Variants in CACNA1D observed in about 807,000 individuals in gnomAD.
The protein encoded by CACNA1D is calcium voltage-gated channel subunit alpha1 D.
In CACNA1D, 55 loss-of-function variants were observed where a neutral mutation model predicts 257.1. That is an observed-to-expected ratio of 0.21 (90% confidence interval 0.17 to 0.27). CACNA1D has a LOEUF of 0.27. CACNA1D is among the 10% of genes least tolerant of loss of function. CACNA1D has a pLI of 1.00. For missense variants in CACNA1D, 1,876 were observed against 2,784.0 expected (o/e 0.67, Z 7.34); for synonymous variants, 980 against 1,014.9 (o/e 0.97, Z 0.65).
intron 2 of CACNA1D, 94 bp downstream of exon 2, chr3:53,497,555 A>G: frequency 7.8e-7 from 1 of 1,278,776 alleles, no homozygotes; most frequent in South Asian, 1.2e-5. Context: ...AAGCTGTAGC[A>G]GTCTGGAATG....
chr3:53,800,423 C>T lies in CACNA1D; in HGVS notation c.5040+58C>T, dbSNP rs1350806067. On this transcript the variant is annotated intron_variant, in intron 41 of 47. Coordinates refer to ENST00000350061, the MANE Select transcript of CACNA1D (RefSeq NM_001128840.3). The surrounding 1 kb of genome is among the most constrained non-coding windows in gnomAD (Gnocchi z 4.3). ...ATCTGGAAATAGCAGGGCAGGACTC[C>T]AGTTTGGGCAGTTAATCATCCACAG... 2 of 1,115,548 alleles carry T rather than the reference C, an allele frequency of 1.8e-6. No homozygotes were observed. The highest frequency in any genetic ancestry group is 2.0e-4 in the Middle Eastern group (1 of 5,084). 69.1% of individuals were successfully genotyped at this position (1,115,548 alleles called of 1,614,324 possible). A position where few individuals can be genotyped will look rare whatever the true frequency, so the allele number is the denominator to read the frequency against.
At chr3:53,756,818 G>T (rs909896992) in intron 29 of CACNA1D, among the ~76,000 whole-genome samples, 3 of 152,158 alleles carry the variant, frequency 2.0e-5, no homozygotes, top group Non-Finnish European at 4.4e-5. Context: ...GGTCTGTCTG[G>T]GATTCTCTTT....
At chr3:53,738,405 G>T (rs915211972) in intron 20 of CACNA1D, among the ~76,000 whole-genome samples, 1 of 152,128 alleles carries the variant, frequency 6.6e-6, no homozygotes, top group Non-Finnish European at 1.5e-5. Flanking sequence ...CACAGATTAG[G>T]GTTTTTGTTA....
At chr3:53,588,284 A>T (rs1033275693) in intron 3 of CACNA1D, among the ~76,000 whole-genome samples, 6 of 152,092 alleles carry the variant, frequency 3.9e-5, no homozygotes, top group Admixed American at 2.6e-4. Flanking sequence ...GCTCTTTTTC[A>T]CTGACTCACT....
intron 3 of CACNA1D, among the ~76,000 whole-genome samples, chr3:53,563,610 G>A (rs2092780852): frequency 1.3e-5 from 2 of 150,538 alleles, no homozygotes; most frequent in Admixed American, 1.3e-4. Flanking sequence ...TAATTCCTCA[G>A]CAACACTTTA....
At chr3:53,567,855 A>G (rs1015130558) in intron 3 of CACNA1D, among the ~76,000 whole-genome samples, 1 of 152,212 alleles carries the variant, frequency 6.6e-6, no homozygotes, top group African/African-American at 2.4e-5. Flanking sequence ...GCAAGGGTCA[A>G]GGCTTTTGCC....
At chr3:53,733,553 C>T (rs2095021277) in intron 19 of CACNA1D, among the ~76,000 whole-genome samples, 1 of 152,080 alleles carries the variant, frequency 6.6e-6, no homozygotes, top group African/African-American at 2.4e-5. Flanking sequence ...AATAGCATTT[C>T]TCATGTTAAA....
intron 3 of CACNA1D, among the ~76,000 whole-genome samples, chr3:53,558,613 A>G (rs904342618): frequency 1.3e-5 from 2 of 152,270 alleles, no homozygotes; most frequent in Non-Finnish European, 2.9e-5. Flanking sequence ...CCTGCATTTC[A>G]AAAGGATGCT....
chr3:53,678,228 C>T (rs1002837735), intron 8 of CACNA1D, among the ~76,000 whole-genome samples: 1 of 152,190 alleles, frequency 6.6e-6, no homozygotes, highest in African/African-American at 2.4e-5. Context: ...AGATCAAAAT[C>T]ATTTATAATT....
At chr3:53,659,455 G>A (rs1248055525) in intron 4 of CACNA1D, among the ~76,000 whole-genome samples, 2 of 152,176 alleles carry the variant, frequency 1.3e-5, no homozygotes, top group African/African-American at 4.8e-5. Flanking sequence ...ATTAAGATGT[G>A]AGACTTTGAA....
chr3:53,782,226 T>C (rs1229705714), intron 39 of CACNA1D: 1 of 145,218 alleles, frequency 6.9e-6, no homozygotes, highest in Non-Finnish European at 1.5e-5. Context: ...CATCTATATA[T>C]ATACACACAT....
At position 53,753,576 on chromosome 3, in the gene CACNA1D, A is replaced by G. The variant is rs1457707979; in HGVS notation, c.3680A>G (p.Tyr1227Cys). Residue 1227 changes from tyrosine (Y) to cysteine (C), a missense_variant, in exon 29 of 48, where the codon TAC becomes TGC. Tyr to Cys is a radical substitution (Grantham distance 194, BLOSUM62 -2). Coordinates refer to ENST00000350061, the MANE Select transcript of CACNA1D (RefSeq NM_001128840.3). ...TCCCTCTGTCTTCATCCATAGCACT[A>G]CGAGCAGTCCAAGATGTTCAATGAT... ...LNTLCLAMQH[Y>C]EQSKMFNDAM... 6.3e-7 allele frequency: 1 copy of G among 1,599,766 alleles called. No homozygotes were observed.
intron 30 of CACNA1D, among the ~76,000 whole-genome samples, chr3:53,768,308 C>T (rs1266980032): frequency 1.3e-5 from 2 of 152,158 alleles, no homozygotes; most frequent in African/African-American, 4.8e-5. Context: ...CCGTCTCTCT[C>T]GTGCACACTG....
chr3:53,577,922 C>T (rs1173555315), intron 3 of CACNA1D, among the ~76,000 whole-genome samples: 1 of 151,922 alleles, frequency 6.6e-6, no homozygotes, highest in Admixed American at 6.6e-5. Flanking sequence ...AATTCTATGT[C>T]CTCTCAACCT....
chr3:53,807,390 G>A (rs2095572180), intron 45 of CACNA1D: 1 of 152,308 alleles, frequency 6.6e-6, no homozygotes, highest in Non-Finnish European at 1.5e-5. Flanking sequence ...GACCAGGACT[G>A]GCTGTCTCGT....
intron 3 of CACNA1D, among the ~76,000 whole-genome samples, chr3:53,577,949 G>T (rs1047667209): frequency 6.6e-6 from 1 of 151,956 alleles, no homozygotes; most frequent in African/African-American, 2.4e-5. Flanking sequence ...GTTTTGGAAA[G>T]ATTTATTTTA....
chr3:53,514,888 T>G (rs914590330), intron 3 of CACNA1D, among the ~76,000 whole-genome samples: 14 of 152,186 alleles, frequency 9.2e-5, no homozygotes, highest in Non-Finnish European at 1.5e-5. Context: ...ACTGAGCTAG[T>G]GCATCTGTCC....
chr3:53,540,303 A>C (rs1340639929), intron 3 of CACNA1D, among the ~76,000 whole-genome samples: 1 of 147,224 alleles, frequency 6.8e-6, no homozygotes, highest in Non-Finnish European at 1.5e-5. Flanking sequence ...TTTTTTTTCT[A>C]ATGGTAGAGA....
intron 3 of CACNA1D, among the ~76,000 whole-genome samples, chr3:53,601,527 T>A (rs1250862575): frequency 6.6e-6 from 1 of 152,184 alleles, no homozygotes; most frequent in Non-Finnish European, 1.5e-5. Flanking sequence ...GGGAAGATTT[T>A]GAGTAGCGGA....
Sources: allele counts gnomAD v4.1 joint callset (sites outside exome capture counted in the v4.1 genomes callset), GRCh38; gene constraint gnomAD v4.1.1; non-coding constraint Gnocchi (gnomAD v3.1); transcripts MANE v1.5; gene names NCBI Gene and HGNC (gene_info 2026-07-23, HGNC 2026-07-21).